Variants in SYT14 observed in about 807,000 individuals in gnomAD.
SYT14 encodes synaptotagmin-14.
A neutral mutation model predicts 74.2 loss-of-function variants in SYT14; 32 were observed. That is an observed-to-expected ratio of 0.43 (90% CI 0.33 to 0.58). The LOEUF is 0.58. Among genes scored for constraint, SYT14 ranks in the 20% least tolerant of loss-of-function variants. The pLI is 0.05. For missense variants in SYT14, 791 were observed against 981.8 expected, an observed-to-expected ratio of 0.81 and a Z score of 2.60; for synonymous variants, 298 against 337.7, an observed-to-expected ratio of 0.88 and a Z score of 1.29.
At chr1:210,144,812 A>G (rs1036660786) in intron 7 of SYT14, among the ~76,000 whole-genome samples, 2 of 152,184 alleles carry the variant, frequency 1.3e-5, no homozygotes, top group African/African-American at 2.4e-5. Flanking sequence ...ATAATTGGAT[A>G]TATCAACTTG....
chr1:210,018,723 G>A (rs559345755), intron 4 of SYT14, among the ~76,000 whole-genome samples: 3 of 152,092 alleles, frequency 2.0e-5, no homozygotes, highest in Admixed American at 6.6e-5. Context: ...ACTTATACAC[G>A]CAATGTTCCC....
intron 7 of SYT14, among the ~76,000 whole-genome samples, chr1:210,152,272 T>C (rs567466329): frequency 6.6e-6 from 1 of 152,196 alleles, no homozygotes; most frequent in African/African-American, 2.4e-5. Flanking sequence ...TTCTGTATAT[T>C]AGTCCAACAA....
chr1:209,984,608 T>A (rs1162953609), intron 2 of SYT14, among the ~76,000 whole-genome samples: 1 of 152,230 alleles, frequency 6.6e-6, no homozygotes, highest in African/African-American at 2.4e-5. Flanking sequence ...TGAAGAACTT[T>A]AATATTTCTT....
At chr1:209,956,909 G>T (rs927414288) in intron 2 of SYT14, among the ~76,000 whole-genome samples, 3 of 151,942 alleles carry the variant, frequency 2.0e-5, no homozygotes, top group African/African-American at 7.3e-5. Context: ...CTGATTTTGT[G>T]ATTGTCTTTT....
intron 2 of SYT14, among the ~76,000 whole-genome samples, chr1:209,982,026 T>C (rs573516545): frequency 6.6e-6 from 1 of 152,208 alleles, no homozygotes; most frequent in South Asian, 2.1e-4. Flanking sequence ...TCTTGCAAGA[T>C]CAGGAAGATT....
At chr1:209,952,671 T>C in intron 1 of SYT14, 38 bp from the exon 2 acceptor site, 1 of 1,531,916 alleles carries the variant, frequency 6.5e-7, no homozygotes, top group Non-Finnish European at 9.0e-7. Flanking sequence ...TCATGCTACT[T>C]TCTATGTTTT....
intron 2 of SYT14, among the ~76,000 whole-genome samples, chr1:209,973,896 C>T (rs561495358): frequency 1.8e-4 from 28 of 152,140 alleles, no homozygotes; most frequent in East Asian, 5.8e-4. Flanking sequence ...TTTTAATGAT[C>T]GCCATTCTAA....
intron 7 of SYT14, among the ~76,000 whole-genome samples, chr1:210,135,996 G>T (rs2082777804): frequency 6.6e-6 from 1 of 152,124 alleles, no homozygotes; most frequent in South Asian, 2.1e-4. Flanking sequence ...TAGGTAGTTT[G>T]GGATTCAAAA....
At chr1:210,147,919 C>A (rs972556340) in intron 7 of SYT14, among the ~76,000 whole-genome samples, 1 of 152,030 alleles carries the variant, frequency 6.6e-6, no homozygotes, top group Non-Finnish European at 1.5e-5. Flanking sequence ...GATGGAGCAG[C>A]CCATCCTGAG....
At chr1:210,007,916 A>T (rs538124216) in intron 2 of SYT14, among the ~76,000 whole-genome samples, 1 of 152,222 alleles carries the variant, frequency 6.6e-6, no homozygotes, top group Admixed American at 6.5e-5. Flanking sequence ...GTTAAATTTT[A>T]AAATGAAAGC....
intron 2 of SYT14, among the ~76,000 whole-genome samples, chr1:209,969,458 G>A (rs1197083608): frequency 1.3e-5 from 2 of 149,890 alleles, no homozygotes; most frequent in African/African-American, 2.5e-5. Context: ...GTGTGAAATG[G>A]TATCTCATTG....
intron 1 of SYT14, among the ~76,000 whole-genome samples, chr1:209,942,373 C>G (rs201670404): frequency 8.7e-5 from 10 of 114,986 alleles, no homozygotes; most frequent in South Asian, 6.9e-4. Context: ...CCCCCCCCCC[C>G]GCTCTGTTGT....
chr1:210,045,463 G>GTTT, intron 5 of SYT14, among the ~76,000 whole-genome samples: 1 of 152,106 alleles, frequency 6.6e-6, no homozygotes, highest in African/African-American at 2.4e-5. Flanking sequence ...TTTTGTTGTT[G>GTTT]TTTTTGCGTT....
chr1:210,152,972 A>G (rs927322640), intron 7 of SYT14, among the ~76,000 whole-genome samples: 2 of 152,136 alleles, frequency 1.3e-5, no homozygotes, highest in Non-Finnish European at 1.5e-5. Flanking sequence ...TGTAAATGTT[A>G]TAATTGGTTT....
At chr1:209,964,430 A>G (rs192697649) in intron 2 of SYT14, among the ~76,000 whole-genome samples, 103 of 152,118 alleles carry the variant, frequency 6.8e-4, no homozygotes, top group African/African-American at 2.1e-3. Flanking sequence ...CTATTCATCT[A>G]TATGTGTTTT....
intron 2 of SYT14, among the ~76,000 whole-genome samples, chr1:209,980,440 T>C (rs190788698): frequency 1.1e-3 from 170 of 152,352 alleles, no homozygotes; most frequent in Non-Finnish European, 2.2e-3. Flanking sequence ...GCACAGAAGC[T>C]CTTTAGTTTA....
At chr1:210,049,906 A>G (rs538216053) in intron 5 of SYT14, among the ~76,000 whole-genome samples, 10 of 152,170 alleles carry the variant, frequency 6.6e-5, no homozygotes, top group African/African-American at 2.2e-4. Context: ...CCACAAAACC[A>G]CTTTTTCTTC....
chr1:209,954,841 G>T (rs1157302648), intron 2 of SYT14, among the ~76,000 whole-genome samples: 1 of 151,962 alleles, frequency 6.6e-6, no homozygotes, highest in African/African-American at 2.4e-5. Flanking sequence ...AAGTAGCTGG[G>T]ATTACAGGCG....
At chr1:209,970,623 G>A (rs1004708767) in intron 2 of SYT14, among the ~76,000 whole-genome samples, 3 of 142,108 alleles carry the variant, frequency 2.1e-5, no homozygotes, top group Middle Eastern at 4.0e-3. Flanking sequence ...AGTTTGGTAG[G>A]AATAGCATTG....
Sources: gnomAD v4.1 joint callset for allele counts (sites outside exome capture counted in the v4.1 genomes callset) on GRCh38, gnomAD v4.1.1 for gene constraint, MANE v1.5 for transcripts, NCBI Gene and HGNC (gene_info 2026-07-23, HGNC 2026-07-21) for gene names.